The following SHC4 variants were observed in gnomAD, a reference collection of about 807,000 sequenced individuals.
The protein encoded by SHC4 is SHC adaptor protein 4.
A neutral mutation model predicts 69.4 loss-of-function variants in SHC4; 41 were observed. The observed-to-expected ratio is 0.59, with a 90% CI of 0.46 to 0.77. SHC4 has a LOEUF of 0.77. Among genes scored for constraint, SHC4 ranks in the 30% least tolerant of loss-of-function variants. The probability of loss-of-function intolerance (pLI) is 0.00; values close to 1 mark genes in which losing one functional copy is unlikely to be tolerated. For synonymous variants in SHC4, 318 were observed against 299.3 expected (o/e 1.06, Z -0.64); for missense variants, 777 against 783.8 (o/e 0.99, Z 0.10).
At chr15:48,930,393 T>G (rs1423333560) in intron 1 of SHC4, among the ~76,000 whole-genome samples, 1 of 152,246 alleles carries the variant, frequency 6.6e-6, no homozygotes, top group Non-Finnish European at 1.5e-5. Context: ...CTTATTCCCT[T>G]TCTCAGAATA....
chr15:48,913,844 A>G (rs936609543), intron 2 of SHC4, among the ~76,000 whole-genome samples: 1 of 152,178 alleles, frequency 6.6e-6, no homozygotes, highest in African/African-American at 2.4e-5. Context: ...GTAAAGTTGG[A>G]AACTTCTCCC....
chr15:48,836,448 T>A (rs1898899706), intron 10 of SHC4, among the ~76,000 whole-genome samples: 1 of 152,276 alleles, frequency 6.6e-6, no homozygotes, highest in South Asian at 2.1e-4. Context: ...ACTAATAATG[T>A]AAAATTCTTA....
chr15:48,881,173 T>G (rs1703525870), intron 4 of SHC4, among the ~76,000 whole-genome samples: 1 of 152,156 alleles, frequency 6.6e-6, no homozygotes, highest in Admixed American at 6.5e-5. Context: ...TTAGATCAGA[T>G]ATCCCATGTT....
intron 2 of SHC4, among the ~76,000 whole-genome samples, chr15:48,894,480 A>G (rs1000051412): frequency 1.1e-4 from 16 of 152,174 alleles, no homozygotes; most frequent in African/African-American, 3.9e-4. Flanking sequence ...AAGATGTCCC[A>G]ATGGAGAGGT....
chr15:48,836,023 C>CAAAAAAAAA (rs57343981), intron 10 of SHC4, among the ~76,000 whole-genome samples: 7 of 60,134 alleles, frequency 1.2e-4, no homozygotes, highest in African/African-American at 2.2e-4. Context: ...ACAAAAAATC[C>CAAAAAAAAA]AAAAAAAAAA....
At chr15:48,903,563 G>T (rs954582001) in intron 2 of SHC4, among the ~76,000 whole-genome samples, 1 of 152,140 alleles carries the variant, frequency 6.6e-6, no homozygotes, top group Non-Finnish European at 1.5e-5. Context: ...AAAATAAGGA[G>T]CCTCCATGTA....
intron 11 of SHC4, 66 bp from the exon 12 acceptor site, chr15:48,826,192 T>C (rs1322106879): frequency 2.1e-6 from 3 of 1,444,752 alleles, no homozygotes; most frequent in Non-Finnish European, 2.8e-6. Flanking sequence ...ATATAAATAA[T>C]AAGGGGGAAA....
chr15:48,861,096 C>A (rs1206582323), intron 6 of SHC4, among the ~76,000 whole-genome samples: 1 of 152,194 alleles, frequency 6.6e-6, no homozygotes, highest in African/African-American at 2.4e-5. Context: ...ACATAATTTT[C>A]TGCTTTTCTT....
At chr15:48,883,753 T>C (rs1472691460) in intron 4 of SHC4, among the ~76,000 whole-genome samples, 1 of 152,222 alleles carries the variant, frequency 6.6e-6, no homozygotes, top group Non-Finnish European at 1.5e-5. Flanking sequence ...CATTACCTTT[T>C]ATACAATAAC....
chr15:48,880,985 A>AGTGTGTGTGTGT (rs10523567), intron 4 of SHC4, among the ~76,000 whole-genome samples: 3 of 145,974 alleles, frequency 2.1e-5, no homozygotes, highest in South Asian at 2.2e-4. Context: ...TGTGTGTGAG[A>AGTGTGTGTGTGT]GTGTGTGTGT....
chr15:48,884,391 C>A (rs749987255), intron 3 of SHC4, 24 bp from the exon 4 acceptor site: 70 of 1,557,370 alleles, frequency 4.5e-5, no homozygotes, highest in Non-Finnish European at 5.4e-5. Context: ...AGAAGAAAAA[C>A]AAAACACTGT....
At position 48,826,123 on chromosome 15, in the gene SHC4, T is replaced by G. The variant is rs758554889; in HGVS notation, c.1741A>C (p.Arg581=). The stretch of plus-strand genomic sequence containing the variant: ...TTATCAAATACATGATCCTTGGTCC[T>G]CACCTTGAAAAAGAAGTACAAATAT... The part of the protein sequence containing the change: ...LLLVDPEGKV[R]TKDHVFDNVG... Residue 581 remains arginine, a synonymous_variant, in exon 12 of 12, where the codon AGG becomes CGG. Transcript: ENST00000332408. The G allele has an allele frequency of 1.0e-4, 160 of 1,604,886 alleles. 1 individual carries two copies. The South Asian group carries it at 1.7e-3, about 17-fold the overall frequency.
chr15:48,914,407 C>A (rs1241319673), intron 2 of SHC4, among the ~76,000 whole-genome samples: 1 of 152,214 alleles, frequency 6.6e-6, no homozygotes, highest in Non-Finnish European at 1.5e-5. Context: ...GGAAATTACT[C>A]CTTTCGAGGT....
At chr15:48,862,606 C>T (rs1899467614) in intron 6 of SHC4, among the ~76,000 whole-genome samples, 2 of 152,170 alleles carry the variant, frequency 1.3e-5, no homozygotes, top group African/African-American at 2.4e-5. Context: ...CTGCTCATCT[C>T]CACTTCCTGT....
chr15:48,932,400 T>C (rs1900982330), intron 1 of SHC4, among the ~76,000 whole-genome samples: 3 of 152,154 alleles, frequency 2.0e-5, no homozygotes, highest in Admixed American at 2.0e-4. Flanking sequence ...GAATCACACT[T>C]TGGAGAAAAC....
chr15:48,943,953 G>A (rs1173962850), intron 1 of SHC4, among the ~76,000 whole-genome samples: 1 of 151,900 alleles, frequency 6.6e-6, no homozygotes, highest in Non-Finnish European at 1.5e-5. Context: ...CGTACATTGG[G>A]GATCTGTTAG....
intron 2 of SHC4, among the ~76,000 whole-genome samples, chr15:48,909,961 A>G (rs1397341244): frequency 6.6e-6 from 1 of 152,152 alleles, no homozygotes; most frequent in Non-Finnish European, 1.5e-5. Context: ...GTTAGCTAGT[A>G]TTTTGTTAAG....
intron 10 of SHC4, among the ~76,000 whole-genome samples, chr15:48,842,451 A>C (rs775528369): frequency 4.6e-5 from 7 of 152,240 alleles, no homozygotes; most frequent in Non-Finnish European, 1.0e-4. Flanking sequence ...AAAGTATTTG[A>C]AAGGATTATT....
chr15:48,885,767 T>C (rs769093398), intron 3 of SHC4, among the ~76,000 whole-genome samples: 8 of 152,214 alleles, frequency 5.3e-5, no homozygotes, highest in Non-Finnish European at 1.2e-4. Context: ...GTGCAAACAG[T>C]GTGAGGAAGG....
Sources: gnomAD v4.1 joint callset for allele counts (sites outside exome capture counted in the v4.1 genomes callset) on GRCh38, gnomAD v4.1.1 for gene constraint, MANE v1.5 for transcripts, NCBI Gene and HGNC (gene_info 2026-07-23, HGNC 2026-07-21) for gene names.